The following EYS variants were observed in gnomAD, a reference collection of about 807,000 sequenced individuals.
The protein encoded by EYS is protein eyes shut homolog.
Under a neutral mutation model 282.1 loss-of-function variants are expected in EYS, and 250 were observed. The observed-to-expected ratio is 0.89, with a 90% CI of 0.80 to 0.98. The LOEUF (loss-of-function observed/expected upper bound fraction) is 0.98, where lower values mean the gene tolerates loss of function less well. Among genes scored for constraint, EYS ranks in the 50% least tolerant of loss-of-function variants. The pLI is 0.00. For missense variants in EYS, 4,016 were observed against 3,709.0 expected (o/e 1.08, Z -2.15); for synonymous variants, 1,355 against 1,282.9 (o/e 1.06, Z -1.20).
At chr6:64,236,312 T>G (rs1766604876) in intron 30 of EYS, among the ~76,000 whole-genome samples, 1 of 152,208 alleles carries the variant, frequency 6.6e-6, no homozygotes, top group African/African-American at 2.4e-5. Flanking sequence ...TCTATCATAT[T>G]TTATTTATCT....
At chr6:65,289,739 A>G (rs949874274) in intron 12 of EYS, among the ~76,000 whole-genome samples, 6 of 151,222 alleles carry the variant, frequency 4.0e-5, no homozygotes, top group Non-Finnish European at 7.4e-5. Flanking sequence ...ATTTCTGCCA[A>G]ACTTTAGGAA....
chr6:65,195,917 C>A (rs1765754197), intron 12 of EYS, among the ~76,000 whole-genome samples: 1 of 151,938 alleles, frequency 6.6e-6, no homozygotes. Context: ...ATAAAAATTG[C>A]CAATCTCAGA....
intron 30 of EYS, among the ~76,000 whole-genome samples, chr6:64,257,481 C>T (rs1767438741): frequency 6.6e-6 from 1 of 151,984 alleles, no homozygotes; most frequent in Non-Finnish European, 1.5e-5. Flanking sequence ...TCATCTGTGT[C>T]CCAAAGTGCA....
At chr6:65,612,432 G>T (rs1766033615) in intron 2 of EYS, among the ~76,000 whole-genome samples, 1 of 151,616 alleles carries the variant, frequency 6.6e-6, no homozygotes, top group South Asian at 2.1e-4. Flanking sequence ...ATTAAATTAG[G>T]TGATACTAAA....
At chr6:63,934,864 C>T (rs1057209313) in intron 35 of EYS, among the ~76,000 whole-genome samples, 2 of 151,786 alleles carry the variant, frequency 1.3e-5, no homozygotes, top group East Asian at 1.9e-4. Flanking sequence ...CAAACCTGCA[C>T]GTTGTGCACA....
intron 11 of EYS, among the ~76,000 whole-genome samples, chr6:65,305,346 T>C (rs906805203): frequency 2.0e-5 from 3 of 152,234 alleles, no homozygotes; most frequent in African/African-American, 4.8e-5. Flanking sequence ...TACTTAATAT[T>C]ACCTGAGTTT....
At chr6:65,054,566 T>C (rs1426157998) in intron 13 of EYS, among the ~76,000 whole-genome samples, 3 of 152,058 alleles carry the variant, frequency 2.0e-5, no homozygotes, top group Non-Finnish European at 2.9e-5. Context: ...TCTTCTGATA[T>C]ACCAGACATG....
At chr6:65,012,485 T>C (rs1015814000) in intron 13 of EYS, among the ~76,000 whole-genome samples, 2 of 152,218 alleles carry the variant, frequency 1.3e-5, no homozygotes, top group African/African-American at 4.8e-5. Context: ...ACAGTCATCA[T>C]TAAGTCCTTG....
At chr6:65,480,834 T>C (rs139127419) in intron 5 of EYS, among the ~76,000 whole-genome samples, 1 of 152,268 alleles carries the variant, frequency 6.6e-6, no homozygotes, top group Admixed American at 6.5e-5. Context: ...TAGGATATTA[T>C]ATTAAGCGAA....
intron 15 of EYS, among the ~76,000 whole-genome samples, chr6:64,936,752 T>G (rs1768918935): frequency 6.6e-6 from 1 of 151,302 alleles, no homozygotes; most frequent in Non-Finnish European, 1.5e-5. Flanking sequence ...AAAATATTAT[T>G]GAAAGAAATT....
In EYS at chr6:63,751,143, C is replaced by T. The variant is rs76476424; in HGVS notation, c.8071+11318G>A. Among the ~76,000 whole-genome samples the T allele has an allele frequency of 3.7e-4, 57 of 152,102 alleles. No homozygotes were observed. The East Asian group carries it at 9.7e-3, about 26-fold the overall frequency. On this transcript the variant is annotated intron_variant, in intron 41 of 42. Transcript: ENST00000503581. ...TTCTAAAATAGATTAATTCCCAGAG[C>T]GTTGTTCTTTAAGATGGACTCAAAG...
intron 2 of EYS, among the ~76,000 whole-genome samples, chr6:65,575,211 C>G (rs1764619051): frequency 6.6e-6 from 1 of 151,858 alleles, no homozygotes; most frequent in Admixed American, 6.6e-5. Flanking sequence ...CTTGTAACCC[C>G]ACCTACTCCG....
At chr6:65,545,792 G>A (rs945974791) in intron 2 of EYS, among the ~76,000 whole-genome samples, 5 of 151,920 alleles carry the variant, frequency 3.3e-5, no homozygotes, top group Non-Finnish European at 5.9e-5. Flanking sequence ...AATTTACAAA[G>A]ACCAATTATT....
chr6:65,312,196 T>TTA (rs1370797192), intron 11 of EYS, among the ~76,000 whole-genome samples: 2 of 151,158 alleles, frequency 1.3e-5, no homozygotes, highest in Non-Finnish European at 2.9e-5. Context: ...TCTAAGTGCC[T>TTA]TTAATATGTT....
chr6:64,217,017 T>C (rs1326418896), intron 31 of EYS, among the ~76,000 whole-genome samples: 5 of 152,194 alleles, frequency 3.3e-5, no homozygotes, highest in African/African-American at 1.2e-4. Flanking sequence ...ACAGATTTGC[T>C]TGTAGTCATA....
chr6:64,533,465 A>C (rs180915451), intron 26 of EYS, among the ~76,000 whole-genome samples: 31 of 152,142 alleles, frequency 2.0e-4, no homozygotes, highest in Non-Finnish European at 3.7e-4. Flanking sequence ...AGCAGGGTTG[A>C]TATATCACAT....
chr6:64,146,269 G>C (rs549376427), intron 31 of EYS, among the ~76,000 whole-genome samples: 2 of 152,126 alleles, frequency 1.3e-5, no homozygotes, highest in Non-Finnish European at 2.9e-5. Context: ...CTGGTATTAT[G>C]ATGAGGAATT....
At chr6:63,796,141 G>C (rs1279439205) in intron 37 of EYS, among the ~76,000 whole-genome samples, 1 of 152,162 alleles carries the variant, frequency 6.6e-6, no homozygotes, top group East Asian at 1.9e-4. Context: ...CCGTCCTGCT[G>C]TTTCTCCTAC....
At chr6:65,334,832 C>G in intron 11 of EYS, 148 bp downstream of exon 11, 1 of 650,636 alleles carries the variant, frequency 1.5e-6, no homozygotes, top group Non-Finnish European at 2.6e-6. Context: ...TATATAATAA[C>G]TATATATGTA....
Sources: gnomAD v4.1 joint callset for allele counts (sites outside exome capture counted in the v4.1 genomes callset) on GRCh38, gnomAD v4.1.1 for gene constraint, MANE v1.5 for transcripts, NCBI Gene and HGNC (gene_info 2026-07-23, HGNC 2026-07-21) for gene names.